Variants in XYLT1 observed in about 807,000 individuals in gnomAD.
The protein encoded by XYLT1 is beta-D-xylosyltransferase 1.
In XYLT1, 36 loss-of-function variants were observed where a neutral mutation model predicts 91.3. The ratio of observed to expected loss-of-function variants is 0.39; its 90% CI spans 0.30 to 0.52. The LOEUF (loss-of-function observed/expected upper bound fraction) is 0.52. Ranked by LOEUF, XYLT1 falls within the 20% of genes least tolerant of loss-of-function variation. XYLT1 has a pLI of 0.68. For synonymous variants in XYLT1, 588 were observed against 532.0 expected (o/e 1.11, Z -1.45); for missense variants, 1,242 against 1,284.5 (o/e 0.97, Z 0.51).
At position 17,188,410 on chromosome 16, in the gene XYLT1, G is replaced by A. The variant is rs186921900; in HGVS notation, c.1289+9802C>T. Among the ~76,000 whole-genome samples the A allele has an allele frequency of 3.0e-4, 45 of 152,220 alleles. No homozygotes were observed. The South Asian group carries it at 4.6e-3, about 15-fold the overall frequency. On this transcript the variant is annotated intron_variant, in intron 5 of 11. Transcript: ENST00000261381. Reference sequence around the variant, plus strand: ...CTCATTTGTAAGAAGGCAAACCCTCGCCTCTTATGTTTCACCCATAGTTGC... The same window carrying A: ...CTCATTTGTAAGAAGGCAAACCCTCACCTCTTATGTTTCACCCATAGTTGC...
At chr16:17,142,215 G>A (rs1567293455) in intron 6 of XYLT1, among the ~76,000 whole-genome samples, 1 of 152,198 alleles carries the variant, frequency 6.6e-6, no homozygotes, top group Non-Finnish European at 1.5e-5. Context: ...TGTAGAGACA[G>A]GGTCTCACGA....
At chr16:17,118,801 ACCC>A (rs2029947907) in intron 10 of XYLT1, among the ~76,000 whole-genome samples, 1 of 151,524 alleles carries the variant, frequency 6.6e-6, no homozygotes, top group South Asian at 2.1e-4. Flanking sequence ...CATCTCCATG[ACCC>A]CCTCCCCATC....
rs568032147 is a variant in XYLT1, at chr16:17,204,394, T to C, written c.914-3740A>G. Among the ~76,000 whole-genome samples the C allele has an allele frequency of 1.0e-3, 152 of 151,452 alleles. No homozygotes were observed. In the Middle Eastern group the frequency reaches 0.01, roughly 10 times the overall value. Reference sequence around the variant, plus strand: ...GCTTAAATATAAAGTCATCTTTGGGTCAGACAGTTAGTCTGGGGAGCTGCA... The same window carrying C: ...GCTTAAATATAAAGTCATCTTTGGGCCAGACAGTTAGTCTGGGGAGCTGCA... On this transcript the variant is annotated intron_variant, in intron 3 of 11. Coordinates refer to ENST00000261381, the MANE Select transcript of XYLT1 (RefSeq NM_022166.4).
intron 1 of XYLT1, among the ~76,000 whole-genome samples, chr16:17,449,054 G>A (rs542286995): frequency 4.6e-5 from 7 of 152,292 alleles, no homozygotes; most frequent in South Asian, 2.1e-4. Flanking sequence ...AAAGAGGGAC[G>A]TTTTGGTGGA....
chr16:17,146,666 A>C (rs373532709), intron 6 of XYLT1, among the ~76,000 whole-genome samples: 10 of 152,354 alleles, frequency 6.6e-5, no homozygotes, highest in African/African-American at 2.4e-4. Flanking sequence ...CCAGCCCATA[A>C]GCCATCGGTC....
chr16:17,286,742 C>T (rs1567357213), intron 2 of XYLT1, among the ~76,000 whole-genome samples: 2 of 152,180 alleles, frequency 1.3e-5, no homozygotes, highest in Admixed American at 1.3e-4. Flanking sequence ...GGGACTTGAA[C>T]CCAGGTAATC....
At chr16:17,308,168 A>G (rs978199026) in intron 2 of XYLT1, among the ~76,000 whole-genome samples, 5 of 152,194 alleles carry the variant, frequency 3.3e-5, no homozygotes, top group African/African-American at 1.2e-4. Context: ...AAGTATGTCC[A>G]GTTCCTGTAG....
intron 1 of XYLT1, among the ~76,000 whole-genome samples, chr16:17,465,560 G>T (rs1215176356): frequency 1.3e-4 from 18 of 141,366 alleles, no homozygotes; most frequent in African/African-American, 4.3e-4. Context: ...TTTTTTTGGG[G>T]GGGGGGGGGG....
intron 1 of XYLT1, among the ~76,000 whole-genome samples, chr16:17,370,595 T>C (rs1255115605): frequency 1.3e-5 from 2 of 152,188 alleles, no homozygotes; most frequent in South Asian, 4.1e-4. Context: ...TGGCCTCTGT[T>C]TAGCCAGCAC....
chr16:17,431,886 A>T (rs1393028768), intron 1 of XYLT1, among the ~76,000 whole-genome samples: 1 of 152,228 alleles, frequency 6.6e-6, no homozygotes, highest in Admixed American at 6.5e-5. Context: ...AGAAGCAGCC[A>T]TGGCTGCGGA....
intron 5 of XYLT1, among the ~76,000 whole-genome samples, chr16:17,170,017 T>C (rs1438566160): frequency 6.6e-6 from 1 of 152,150 alleles, no homozygotes; most frequent in Non-Finnish European, 1.5e-5. Context: ...TTTCTTGCCG[T>C]TTGATTTTTA....
chr16:17,210,068 T>C (rs1484920724), intron 3 of XYLT1, among the ~76,000 whole-genome samples: 1 of 152,068 alleles, frequency 6.6e-6, no homozygotes, highest in South Asian at 2.1e-4. Context: ...TAATTAAATA[T>C]ATATTTGTAG....
intron 2 of XYLT1, among the ~76,000 whole-genome samples, chr16:17,347,869 G>T (rs1052477196): frequency 6.6e-6 from 1 of 152,222 alleles, no homozygotes; most frequent in East Asian, 1.9e-4. Context: ...GCCAGGAGCT[G>T]TCACCACCCT....
intron 8 of XYLT1, among the ~76,000 whole-genome samples, chr16:17,136,071 T>A (rs61474623): frequency 6.6e-6 from 1 of 152,184 alleles, no homozygotes; most frequent in African/African-American, 2.4e-5. Context: ...ACTGTTTTCA[T>A]GGTGGTAGAT....
chr16:17,108,538 T>G lies in XYLT1; in HGVS notation c.*157A>C. 1.3e-6 allele frequency: 1 copy of G among 753,822 alleles called. No individual in the cohort carries two copies. Among genetic ancestry groups the G allele is most frequent in the Non-Finnish European group, 2.0e-6 (1 of 493,738 alleles). The allele number at this position is 753,822 out of a possible 1,614,324, so 46.7% of individuals were successfully genotyped here. ...AGGCAGGTTGTTGGCTGATCCTGCT[T>G]TGACCTGCTGACCTTCCCTTTCCAT... On this transcript the variant is annotated 3_prime_UTR_variant, in exon 12 of 12. Coordinates refer to ENST00000261381, the MANE Select transcript of XYLT1 (RefSeq NM_022166.4).
At chr16:17,411,614 C>T (rs1045436456) in intron 1 of XYLT1, among the ~76,000 whole-genome samples, 5 of 152,192 alleles carry the variant, frequency 3.3e-5, no homozygotes, top group African/African-American at 1.2e-4. Flanking sequence ...CAGCTGAAAA[C>T]ACCCCTTGGT....
chr16:17,470,717 A>G lies in XYLT1; in HGVS notation c.80T>C (p.Leu27Pro). The change falls in exon 1 of 12, where the codon CTG becomes CCG. Residue 27 changes from leucine to proline, a missense_variant. Transcript: ENST00000261381. ...ALLAALTVLLLQTLVVWNFSS... is the reference protein window; with the variant it reads ...ALLAALTVLLPQTLVVWNFSS... ...GAAATTCCACACGACCAGCGTCTGC[A>G]GCAGCAGCACCGTGAGCGCCGCGAG... is the stretch of plus-strand genomic sequence containing the variant. 1 of 1,165,872 alleles carries G rather than the reference A, an allele frequency of 8.6e-7. No individual in the cohort carries two copies. The allele number at this position is 1,165,872 out of a possible 1,614,324, so 72.2% of individuals were successfully genotyped here.
intron 2 of XYLT1, among the ~76,000 whole-genome samples, chr16:17,315,621 A>T (rs1435207279): frequency 6.6e-6 from 1 of 152,222 alleles, no homozygotes; most frequent in East Asian, 1.9e-4. Context: ...CATTTCCTCC[A>T]GCCCCATAGC....
At chr16:17,383,436 C>A (rs1192392123) in intron 1 of XYLT1, among the ~76,000 whole-genome samples, 1 of 151,880 alleles carries the variant, frequency 6.6e-6, no homozygotes, top group Non-Finnish European at 1.5e-5. Flanking sequence ...AAGCACCCAT[C>A]TTCCTCACTC....
Sources: gnomAD v4.1 joint callset for allele counts (sites outside exome capture counted in the v4.1 genomes callset) on GRCh38, gnomAD v4.1.1 for gene constraint, MANE v1.5 for transcripts, NCBI Gene and HGNC (gene_info 2026-07-23, HGNC 2026-07-21) for gene names.